The following CERT1 variants were observed in gnomAD, a reference collection of about 807,000 sequenced individuals.
CERT1 encodes the protein ceramide transporter 1, also known as ceramide transfer protein.
CERT1 carries 31 observed loss-of-function variants against 87.9 expected under a neutral mutation model. That is an observed-to-expected ratio of 0.35 (90% CI 0.27 to 0.48). The LOEUF is 0.48. Among genes scored for constraint, CERT1 ranks in the 20% least tolerant of loss-of-function variants. CERT1 has a pLI of 0.99. For missense variants in CERT1, 487 were observed against 758.0 expected (o/e 0.64, Z 4.20); for synonymous variants, 289 against 250.9 (o/e 1.15, Z -1.44).
intron 2 of CERT1, among the ~76,000 whole-genome samples, chr5:75,477,263 T>G (rs763140770): frequency 6.6e-6 from 1 of 152,202 alleles, no homozygotes; most frequent in Non-Finnish European, 1.5e-5. Flanking sequence ...ATTTTGATAC[T>G]GCTTATTGGC....
intron 11 of CERT1, among the ~76,000 whole-genome samples, chr5:75,396,263 G>A (rs768374775): frequency 6.6e-6 from 1 of 152,116 alleles, no homozygotes; most frequent in Non-Finnish European, 1.5e-5. Flanking sequence ...ATTTGTTGGA[G>A]TAAGTAAGAA....
intron 2 of CERT1, among the ~76,000 whole-genome samples, chr5:75,469,403 T>G (rs574373652): frequency 1.3e-5 from 2 of 152,196 alleles, no homozygotes; most frequent in African/African-American, 4.8e-5. Flanking sequence ...ATTCAAAGAA[T>G]AAGAACAGAA....
At chr5:75,428,567 A>C (rs2112196921) in intron 3 of CERT1, among the ~76,000 whole-genome samples, 1 of 152,008 alleles carries the variant, frequency 6.6e-6, no homozygotes, top group Admixed American at 6.6e-5. Flanking sequence ...AGTCCCAGCT[A>C]CTCGGGAGGC....
At chr5:75,464,774 C>G (rs1212290643) in intron 2 of CERT1, among the ~76,000 whole-genome samples, 1 of 152,082 alleles carries the variant, frequency 6.6e-6, no homozygotes, top group Non-Finnish European at 1.5e-5. Flanking sequence ...CAAGGTCTTG[C>G]CATGTTGCCC....
chr5:75,450,523 T>C (rs1316577159), intron 3 of CERT1, among the ~76,000 whole-genome samples: 1 of 152,190 alleles, frequency 6.6e-6, no homozygotes, highest in Non-Finnish European at 1.5e-5. Flanking sequence ...CTATAGAGAA[T>C]AGAGAACCTT....
chr5:75,454,314 C>G (rs1020307427), intron 3 of CERT1, among the ~76,000 whole-genome samples: 6 of 151,946 alleles, frequency 3.9e-5, no homozygotes, highest in Non-Finnish European at 7.4e-5. Context: ...TGAAATTTGC[C>G]GTTTGATATT....
intron 5 of CERT1, among the ~76,000 whole-genome samples, chr5:75,423,739 G>A (rs933745622): frequency 1.3e-5 from 2 of 152,008 alleles, no homozygotes. Flanking sequence ...CACATAAAGT[G>A]GTATATTACT....
chr5:75,500,444 T>A (rs961949292), intron 2 of CERT1, among the ~76,000 whole-genome samples: 5 of 152,204 alleles, frequency 3.3e-5, no homozygotes, highest in African/African-American at 1.2e-4. Flanking sequence ...CCAAATATTT[T>A]AAGTACTTTC....
chr5:75,400,329 G>T, intron 9 of CERT1, 32 bp from the exon 10 acceptor site: 1 of 1,464,748 alleles, frequency 6.8e-7, no homozygotes, highest in Non-Finnish European at 9.5e-7. Flanking sequence ...AGATGGGAAG[G>T]TTTTAAAGTG....
intron 5 of CERT1, among the ~76,000 whole-genome samples, chr5:75,420,850 T>C (rs1372632356): frequency 6.6e-6 from 1 of 152,016 alleles, no homozygotes; most frequent in Non-Finnish European, 1.5e-5. Context: ...TGAGACAGGG[T>C]CTGGCTCTGT....
chr5:75,455,782 C>T (rs1764957632), intron 3 of CERT1, among the ~76,000 whole-genome samples: 1 of 152,156 alleles, frequency 6.6e-6, no homozygotes, highest in South Asian at 2.1e-4. Context: ...TGGTAACAGA[C>T]AGACAAGAGA....
intron 11 of CERT1, 51 bp downstream of exon 11, chr5:75,399,259 T>G: frequency 7.3e-7 from 1 of 1,371,542 alleles, no homozygotes; most frequent in Non-Finnish European, 1.0e-6. Flanking sequence ...GAAAGCAGGC[T>G]GAAATATAGC....
Position 75,388,701 on chromosome 5 carries a change from T to C in CERT1, c.1284+891A>G, listed in dbSNP as rs142956805. On this transcript the variant is annotated intron_variant, in intron 12 of 16. Coordinates refer to ENST00000643780, the MANE Select transcript of CERT1 (RefSeq NM_001379029.1). ...AGTGCAGTGGCACAAACGCGGCTCA[T>C]TGCAGCCTTGACCTCCCTGGCTCAA... 1.4e-3 allele frequency among the ~76,000 whole-genome samples: 213 copies of C among 147,312 alleles called. 1 individual carries two copies. The highest frequency in any genetic ancestry group is 4.4e-3 in the African/African-American group (177 of 40,548).
intron 3 of CERT1, among the ~76,000 whole-genome samples, chr5:75,444,545 TTTC>T (rs1321162333): frequency 2.0e-5 from 3 of 148,678 alleles, no homozygotes; most frequent in African/African-American, 2.6e-5. Flanking sequence ...TTGCTTTTCT[TTTC>T]TTTTTTTTTT....
chr5:75,510,279 C>G (rs5744533), intron 1 of CERT1, among the ~76,000 whole-genome samples: 1 of 151,786 alleles, frequency 6.6e-6, no homozygotes, highest in Non-Finnish European at 1.5e-5. Flanking sequence ...AATCTTCTTA[C>G]AGCAAAAACT....
At chr5:75,499,452 C>A (rs923758457) in intron 2 of CERT1, among the ~76,000 whole-genome samples, 1 of 152,156 alleles carries the variant, frequency 6.6e-6, no homozygotes, top group South Asian at 2.1e-4. Flanking sequence ...GAGCTTGTCC[C>A]CCTTTGCCTG....
chr5:75,397,871 T>C (rs373045750), intron 11 of CERT1, among the ~76,000 whole-genome samples: 1 of 152,060 alleles, frequency 6.6e-6, no homozygotes, highest in Non-Finnish European at 1.5e-5. Context: ...ATACAAAAAT[T>C]AGCTGGGCAT....
chr5:75,439,111 T>G (rs1764209828), intron 3 of CERT1, among the ~76,000 whole-genome samples: 1 of 151,922 alleles, frequency 6.6e-6, no homozygotes, highest in Non-Finnish European at 1.5e-5. Context: ...TAGACTTTGA[T>G]GCTTTGAGAA....
At chr5:75,431,623 G>A (rs1490379710) in intron 3 of CERT1, among the ~76,000 whole-genome samples, 1 of 152,136 alleles carries the variant, frequency 6.6e-6, no homozygotes, top group East Asian at 1.9e-4. Flanking sequence ...TGGCCCATGT[G>A]TTCTCATTAT....
Sources: allele counts gnomAD v4.1 joint callset (sites outside exome capture counted in the v4.1 genomes callset), GRCh38; gene constraint gnomAD v4.1.1; transcripts MANE v1.5; gene names NCBI Gene and HGNC (gene_info 2026-07-23, HGNC 2026-07-21).